The following IQCH variants were observed in gnomAD, a reference collection of about 807,000 sequenced individuals.
IQCH encodes the protein IQ motif containing H.
In IQCH, 98 loss-of-function variants were observed where a neutral mutation model predicts 117.0. The observed-to-expected ratio is 0.84, with a 90% CI of 0.71 to 0.99. The LOEUF is 0.99. Ranked by LOEUF, IQCH falls within the 50% of genes least tolerant of loss-of-function variation. The pLI, the probability that IQCH is intolerant of heterozygous loss-of-function variation, is 0.00. For synonymous variants in IQCH, 412 were observed against 448.2 expected, an observed-to-expected ratio of 0.92 and a Z score of 1.02; for missense variants, 1,102 against 1,243.8, an observed-to-expected ratio of 0.89 and a Z score of 1.72.
chr15:67,345,882 A>C (rs1174936449), intron 6 of IQCH, among the ~76,000 whole-genome samples: 5 of 152,230 alleles, frequency 3.3e-5, no homozygotes, highest in Admixed American at 6.5e-5. Flanking sequence ...GTGGTAATGG[A>C]ATATGTTAAC....
chr15:67,376,845 G>A lies in IQCH; in HGVS notation c.1372+3412G>A, dbSNP rs1451322704. The stretch of plus-strand genomic sequence containing the variant: ...TTTGAAAGGAGGACTTAGGCCAGGT[G>A]TGATGGCTCACGCCTGTAATCCCAA... On this transcript the variant is annotated intron_variant, in intron 10 of 20. Transcript: ENST00000335894. This position sits in a 1 kb window ranked among gnomAD's most constrained non-coding sequence, Gnocchi z 5.0. 6.6e-6 allele frequency among the ~76,000 whole-genome samples: 1 copy of A among 152,174 alleles called. No homozygotes were observed. Among genetic ancestry groups the A allele is most frequent in the Non-Finnish European group, 1.5e-5 (1 of 68,030 alleles).
Position 67,337,068 on chromosome 15 carries a change from C to T in IQCH, c.481C>T (p.Pro161Ser). 5.6e-6 allele frequency: 9 copies of T among 1,613,498 alleles called. No individual in the cohort carries two copies. Among genetic ancestry groups the T allele is most frequent in the Non-Finnish European group, 6.8e-6 (8 of 1,179,648 alleles). ...HCTDPYFTPIPVLQADAHKGI... is the reference protein window; with the variant it reads ...HCTDPYFTPISVLQADAHKGI... Reference sequence around the variant, plus strand: ...CACAGATCCCTATTTCACTCCTATACCAGTCTTACAAGCAGATGCCCACAA... The same window carrying T: ...CACAGATCCCTATTTCACTCCTATATCAGTCTTACAAGCAGATGCCCACAA... Residue 161 changes from proline to serine, a missense_variant, in exon 5 of 21, where the codon CCA becomes TCA. Physicochemically the swap from Pro to Ser is moderately conservative, Grantham distance 74. Around this residue, in one of 2 missense-constraint regions of IQCH, gnomAD observed 452 missense variants for 449.6 expected, o/e 1.01. Transcript: ENST00000335894.
In IQCH at chr15:67,434,785, C is replaced by CTTT. The variant is rs775675138; in HGVS notation, c.2505+13222_2505+13224dup. On this transcript the variant is annotated intron_variant, in intron 16 of 20. Transcript: ENST00000335894. ...TATCTTTTGTCTTTTCTTTTCTTTT[C>CTTT]TTTTTTTTTTTTTTTTGAGACGGAG... 7.6e-3 allele frequency among the ~76,000 whole-genome samples: 965 copies of CTTT among 126,812 alleles called. 29 individuals carry two copies. Among genetic ancestry groups the CTTT allele is most frequent in the African/African-American group, 0.026 (880 of 33,642 alleles). 83.2% of individuals were successfully genotyped at this position (126,812 alleles called of 152,430 possible). A position where few individuals can be genotyped will look rare whatever the true frequency, so the allele number is the denominator to read the frequency against.
chr15:67,500,725 C>T lies in IQCH; in HGVS notation c.3063C>T (p.Asn1021=). 1.3e-6 allele frequency: 2 copies of T among 1,581,572 alleles called. No homozygotes were observed. Among genetic ancestry groups the T allele is most frequent in the Non-Finnish European group, 1.7e-6 (2 of 1,156,048 alleles). ...EEEQQSKDDK[N]LSKPKK is the part of the protein sequence containing the mutation. ...AGCAACAGTCCAAAGATGATAAAAA[C>T]CTCTCTAAACCCAAGAAATGATCCT... The change falls in exon 21 of 21, where the codon AAC becomes AAT. Residue 1021 remains asparagine (N), a synonymous_variant. Coordinates refer to ENST00000335894, the MANE Select transcript of IQCH (RefSeq NM_001031715.3). This position sits in a 1 kb window ranked among gnomAD's most constrained non-coding sequence, Gnocchi z 4.4.
chr15:67,261,425 G>A (rs1182486335), intron 2 of IQCH, 31 bp downstream of exon 2: 2 of 1,548,340 alleles, frequency 1.3e-6, no homozygotes, highest in Admixed American at 4.5e-5. Flanking sequence ...TAAAATACTG[G>A]AAGGAGACAA....
intron 8 of IQCH, 76 bp from the exon 9 acceptor site, chr15:67,372,035 G>A: frequency 1.7e-6 from 2 of 1,204,878 alleles, no homozygotes; most frequent in African/African-American, 1.5e-5. Context: ...TGATAATGTA[G>A]TGTGTGTCTT....
At position 67,501,366 on chromosome 15, in the gene IQCH, TGTATCTAGGTGGCA is replaced by T. The variant is rs2083975482; in HGVS notation, c.*627_*640del. On this transcript the variant is annotated 3_prime_UTR_variant, in exon 21 of 21. Coordinates refer to ENST00000335894, the MANE Select transcript of IQCH (RefSeq NM_001031715.3). This position sits in a 1 kb window ranked among gnomAD's most constrained non-coding sequence, Gnocchi z 5.2. ...CATCTAGTTAACCAAAGCATCAGAA[TGTATCTAGGTGGCA>T]GTATCTGCTCTTAGTTTAAGATGGA... The T allele has an allele frequency of 6.6e-6, 1 of 152,240 alleles. No homozygotes were observed. The highest frequency in any genetic ancestry group is 2.1e-4 in the South Asian group (1 of 4,834). 9.4% of individuals were successfully genotyped at this position (152,240 alleles called of 1,614,324 possible).
At position 67,447,346 on chromosome 15, in the gene IQCH, A is replaced by G. The variant is rs1318930599; in HGVS notation, c.2506-17781A>G. Among the ~76,000 whole-genome samples, 1 of 152,170 alleles carries G rather than the reference A, an allele frequency of 6.6e-6. No homozygotes were observed. Among genetic ancestry groups the G allele is most frequent in the African/African-American group, 2.4e-5 (1 of 41,424 alleles). On this transcript the variant is annotated intron_variant, in intron 16 of 20. Transcript: ENST00000335894. The surrounding 1 kb of genome is among the most constrained non-coding windows in gnomAD (Gnocchi z 5.3). ...GCTTTCTAAAGATTGCTGCCATCCA[A>G]AAGGATGTCCTATTAGCCTGACAGG... is the stretch of plus-strand genomic sequence containing the variant.
rs1487008597 is a variant in IQCH at position 67,445,377 on chromosome 15, G to A, written c.2506-19750G>A. ...AAATGAAATTGCTTCTTTTCTTAAAGACTTTATCTTCCCCTGTCATGTTAC... is the reference window on the plus strand; with the variant it reads ...AAATGAAATTGCTTCTTTTCTTAAAAACTTTATCTTCCCCTGTCATGTTAC... On this transcript the variant is annotated intron_variant, in intron 16 of 20. Transcript: ENST00000335894. The surrounding 1 kb of genome is among the most constrained non-coding windows in gnomAD (Gnocchi z 4.3). Among the ~76,000 whole-genome samples the A allele has an allele frequency of 6.6e-6, 1 of 152,082 alleles. No homozygotes were observed. The highest frequency in any genetic ancestry group is 2.4e-5 in the African/African-American group (1 of 41,410).
In IQCH at chr15:67,395,977, A is replaced by T. The variant is rs1971457797; in HGVS notation, c.1905+414A>T. Reference sequence around the variant, plus strand: ...GAGCCACTACGCCCAGCCTGAGGGAATCTACTTTAGAACTTTGTGTTTTAA... The same window carrying T: ...GAGCCACTACGCCCAGCCTGAGGGATTCTACTTTAGAACTTTGTGTTTTAA... On this transcript the variant is annotated intron_variant, in intron 13 of 20. Coordinates refer to ENST00000335894, the MANE Select transcript of IQCH (RefSeq NM_001031715.3). This position sits in a 1 kb window ranked among gnomAD's most constrained non-coding sequence, Gnocchi z 4.0. Among the ~76,000 whole-genome samples the T allele has an allele frequency of 6.6e-6, 1 of 152,100 alleles. No individual in the cohort carries two copies. The highest frequency in any genetic ancestry group is 2.4e-5 in the African/African-American group (1 of 41,402).
rs535537022 is a variant in IQCH at position 67,441,324 on chromosome 15, C to T, written c.2505+19747C>T. Among the ~76,000 whole-genome samples the T allele has an allele frequency of 2.6e-5, 4 of 152,144 alleles. No homozygotes were observed. The South Asian group carries it at 6.2e-4, about 24-fold the overall frequency. ...TGACCATACTGCCAAAAGCAATCTACAAATTCAATGCAATCCCCATCAAAA... is the reference window on the plus strand; with the variant it reads ...TGACCATACTGCCAAAAGCAATCTATAAATTCAATGCAATCCCCATCAAAA... On this transcript the variant is annotated intron_variant, in intron 16 of 20. Coordinates refer to ENST00000335894, the MANE Select transcript of IQCH (RefSeq NM_001031715.3).
rs929899094 is a variant in IQCH, at chr15:67,434,967, T to A, written c.2505+13390T>A. The stretch of plus-strand genomic sequence containing the variant: ...TGTATTTTTTTTTAATTTTTTTGTA[T>A]TTTTGTATTTTGTATCTTTGTTTTT... On this transcript the variant is annotated intron_variant, in intron 16 of 20. Transcript: ENST00000335894. Among the ~76,000 whole-genome samples, 18 of 142,312 alleles carry A rather than the reference T, an allele frequency of 1.3e-4. 1 individual carries two copies. The highest frequency in any genetic ancestry group is 1.1e-3 in the Admixed American group (15 of 13,488). The allele number at this position is 142,312 out of a possible 152,430, so 93.4% of individuals were successfully genotyped here.
At chr15:67,410,834 G>T (rs1222645858) in intron 14 of IQCH, among the ~76,000 whole-genome samples, 2 of 152,208 alleles carry the variant, frequency 1.3e-5, no homozygotes, top group African/African-American at 4.8e-5. Flanking sequence ...ACCTGTGGAT[G>T]ATATAATCCA....
intron 18 of IQCH, among the ~76,000 whole-genome samples, chr15:67,478,213 C>T (rs1211685886): frequency 6.6e-6 from 1 of 151,970 alleles, no homozygotes; most frequent in African/African-American, 2.4e-5. Flanking sequence ...GGTGAAACTC[C>T]GTCTCTACTG....
At chr15:67,310,057 G>T (rs1967507117) in intron 4 of IQCH, among the ~76,000 whole-genome samples, 1 of 151,756 alleles carries the variant, frequency 6.6e-6, no homozygotes, top group African/African-American at 2.4e-5. Flanking sequence ...TTTTAGAAAA[G>T]AATCTGATTT....
At chr15:67,304,513 TTAG>T (rs1967206077) in intron 4 of IQCH, 4 of 854,918 alleles carry the variant, frequency 4.7e-6, no homozygotes, top group Non-Finnish European at 7.3e-6. Context: ...AAGTCATTTA[TTAG>T]TAGTGTAAGA....
intron 14 of IQCH, among the ~76,000 whole-genome samples, chr15:67,414,925 C>G (rs1010870401): frequency 6.6e-6 from 1 of 152,102 alleles, no homozygotes; most frequent in Non-Finnish European, 1.5e-5. Context: ...AGGGCCCAGG[C>G]TGTGAGACTT....
chr15:67,412,559 C>T lies in IQCH; in HGVS notation c.2098-4372C>T, dbSNP rs139440514. On this transcript the variant is annotated intron_variant, in intron 14 of 20. Coordinates refer to ENST00000335894, the MANE Select transcript of IQCH (RefSeq NM_001031715.3). ...GATTACAGGTGCCCACCACCACGCC[C>T]GGCTAATTTTTGTATTTTTAGTATA... 7.6e-3 allele frequency among the ~76,000 whole-genome samples: 1,163 copies of T among 152,198 alleles called. 7 individuals are homozygous for T. Among genetic ancestry groups the T allele is most frequent in the Admixed American group, 0.012 (184 of 15,288 alleles).
rs186808089 is a variant in IQCH at position 67,271,098 on chromosome 15, A to T, written c.269+7882A>T. On this transcript the variant is annotated intron_variant, in intron 3 of 20. Transcript: ENST00000335894. Reference sequence around the variant, plus strand: ...ATTCTCCTGCCTCAGCCTCCCAAGTAGCTGGGACTACAGGCACACACCACC... The same window carrying T: ...ATTCTCCTGCCTCAGCCTCCCAAGTTGCTGGGACTACAGGCACACACCACC... 6.8e-4 allele frequency among the ~76,000 whole-genome samples: 104 copies of T among 152,252 alleles called. 4 individuals are homozygous for T. The East Asian group carries it at 0.012, about 18-fold the overall frequency.
Sources: gnomAD v4.1 joint callset for allele counts (sites outside exome capture counted in the v4.1 genomes callset) on GRCh38, gnomAD v4.1.1 for gene constraint, gnomAD v4.1.1 regional missense constraint, Gnocchi (gnomAD v3.1) non-coding constraint, MANE v1.5 for transcripts, NCBI Gene and HGNC (gene_info 2026-07-23, HGNC 2026-07-21) for gene names.